CERKL: variants seen among roughly 807,000 people sequenced by gnomAD.
CERKL encodes ceramide kinase-like protein.
In CERKL, 61 loss-of-function variants were observed where a neutral mutation model predicts 63.4. The ratio of observed to expected loss-of-function variants is 0.96; its 90% CI spans 0.78 to 1.19. The LOEUF is 1.19. Among genes scored for constraint, CERKL ranks in the 50% most tolerant of loss-of-function variants. The probability of loss-of-function intolerance (pLI) is 0.00; values close to 1 mark genes in which losing one functional copy is unlikely to be tolerated. For missense variants in CERKL, 675 were observed against 655.5 expected (o/e 1.03, Z -0.33); for synonymous variants, 250 against 230.5 (o/e 1.08, Z -0.77).
At position 181,618,337 on chromosome 2, in the gene CERKL, T is replaced by C. The variant is rs949801831; in HGVS notation, c.239-14258A>G. Reference sequence around the variant, plus strand: ...TAGAAGAGTGGTACTGCTTTTTTGATTGTTTTGGAAAATAGTTATTTTTAA... The same window carrying C: ...TAGAAGAGTGGTACTGCTTTTTTGACTGTTTTGGAAAATAGTTATTTTTAA... On this transcript the variant is annotated intron_variant, in intron 1 of 12. Transcript: ENST00000410087. Among the ~76,000 whole-genome samples the C allele has an allele frequency of 3.9e-5, 6 of 152,080 alleles. No individual in the cohort carries two copies. The East Asian group carries it at 1.2e-3, about 29-fold the overall frequency.
chr2:181,616,677 T>A (rs766703859), intron 1 of CERKL, among the ~76,000 whole-genome samples: 1 of 152,176 alleles, frequency 6.6e-6, no homozygotes, highest in African/African-American at 2.4e-5. Flanking sequence ...ATAATAGAAA[T>A]GAGAGCTGTT....
rs1688608831 is a variant in CERKL, at chr2:181,565,189, A to G, written c.677+869T>C. Reference sequence around the variant, plus strand: ...GTCTTTGGGAAGGTTAATGCCTTTCACTTTGGTGAAAGTACAGACCTAACT... The same window carrying G: ...GTCTTTGGGAAGGTTAATGCCTTTCGCTTTGGTGAAAGTACAGACCTAACT... On this transcript the variant is annotated intron_variant, in intron 4 of 12. Coordinates refer to ENST00000410087, the MANE Select transcript of CERKL (RefSeq NM_201548.5). Among the ~76,000 whole-genome samples the G allele has an allele frequency of 2.0e-5, 3 of 152,176 alleles. No homozygotes were observed. The South Asian group carries it at 6.2e-4, about 31-fold the overall frequency.
chr2:181,537,367 C>T lies in CERKL; in HGVS notation c.*817G>A, dbSNP rs1559063520. 1.3e-5 allele frequency: 6 copies of T among 453,774 alleles called. No individual in the cohort carries two copies. In the East Asian group the frequency reaches 3.5e-4, roughly 27 times the overall value. 28.1% of individuals were successfully genotyped at this position (453,774 alleles called of 1,614,324 possible). A position where few individuals can be genotyped will look rare whatever the true frequency, so the allele number is the denominator to read the frequency against. Reference sequence around the variant, plus strand: ...ACAGGCCTCTCAGATACAAGGGGAACACAATTACATATTGGGCTAGATTTT... The same window carrying T: ...ACAGGCCTCTCAGATACAAGGGGAATACAATTACATATTGGGCTAGATTTT... On this transcript the variant is annotated 3_prime_UTR_variant, in exon 13 of 13. Transcript: ENST00000410087.
chr2:181,576,509 C>T lies in CERKL; in HGVS notation c.482-2625G>A, dbSNP rs141179615. Among the ~76,000 whole-genome samples, 1,100 of 152,262 alleles carry T rather than the reference C, an allele frequency of 7.2e-3. 14 individuals are homozygous for T. The highest frequency in any genetic ancestry group is 0.024 in the African/African-American group (998 of 41,546). ...TTACTTTTACCGAAACACGACAGGCCAGGGAAGGTCAGATCACCCTCGAGC... is the reference window on the plus strand; with the variant it reads ...TTACTTTTACCGAAACACGACAGGCTAGGGAAGGTCAGATCACCCTCGAGC... On this transcript the variant is annotated intron_variant, in intron 2 of 12. Transcript: ENST00000410087.
At position 181,537,204 on chromosome 2, in the gene CERKL, C is replaced by T. The variant is rs201828604; in HGVS notation, c.*980G>A. On this transcript the variant is annotated 3_prime_UTR_variant, in exon 13 of 13. Transcript: ENST00000410087. ...GGATCATAGATGAAAAATCAAGCCC[C>T]GATTTAGAACTGTCTTCTCCAGGAT... The T allele has an allele frequency of 3.3e-5, 15 of 452,970 alleles. No individual in the cohort carries two copies. Among genetic ancestry groups the T allele is most frequent in the Non-Finnish European group, 4.9e-5 (11 of 226,020 alleles). 28.1% of individuals were successfully genotyped at this position (452,970 alleles called of 1,614,324 possible). A position where few individuals can be genotyped will look rare whatever the true frequency, so the allele number is the denominator to read the frequency against.
chr2:181,648,153 G>A (rs923472314), intron 1 of CERKL, among the ~76,000 whole-genome samples: 5 of 152,108 alleles, frequency 3.3e-5, no homozygotes, highest in Non-Finnish European at 7.3e-5. Flanking sequence ...TATTGGGGGA[G>A]ATATAGACAT....
intron 1 of CERKL, among the ~76,000 whole-genome samples, chr2:181,640,255 T>C (rs1191999173): frequency 6.6e-6 from 1 of 152,148 alleles, no homozygotes; most frequent in Non-Finnish European, 1.5e-5. Context: ...CCTCCTAGCT[T>C]ATACCAATTT....
chr2:181,639,473 A>C (rs1687326848), intron 1 of CERKL, among the ~76,000 whole-genome samples: 1 of 152,104 alleles, frequency 6.6e-6, no homozygotes, highest in Non-Finnish European at 1.5e-5. Flanking sequence ...CCAATTTATC[A>C]CTCCCATTTT....
intron 1 of CERKL, among the ~76,000 whole-genome samples, chr2:181,632,783 T>C (rs1291087810): frequency 1.3e-5 from 2 of 152,130 alleles, no homozygotes; most frequent in Non-Finnish European, 2.9e-5. Flanking sequence ...GATAGGGTAG[T>C]GGGGACAGAC....
At chr2:181,639,931 C>T (rs928951268) in intron 1 of CERKL, among the ~76,000 whole-genome samples, 7 of 152,306 alleles carry the variant, frequency 4.6e-5, no homozygotes, top group Middle Eastern at 3.4e-3. Context: ...TGTGTAGCAG[C>T]AGTGGTAGTT....
At chr2:181,599,664 A>G (rs1685375407) in intron 2 of CERKL, among the ~76,000 whole-genome samples, 1 of 152,028 alleles carries the variant, frequency 6.6e-6, no homozygotes, top group Non-Finnish European at 1.5e-5. Context: ...AACATAAAGA[A>G]TCTGAAAAAT....
chr2:181,609,560 G>A (rs1685874390), intron 1 of CERKL, among the ~76,000 whole-genome samples: 2 of 67,554 alleles, frequency 3.0e-5, no homozygotes, highest in African/African-American at 9.8e-5. Context: ...AAAAAAATTT[G>A]CCAGGTGTAG....
At chr2:181,654,187 G>T (rs374218645) in intron 1 of CERKL, among the ~76,000 whole-genome samples, 2 of 149,232 alleles carry the variant, frequency 1.3e-5, no homozygotes, top group African/African-American at 4.9e-5. Flanking sequence ...CCCAAAAAGC[G>T]CTGATACTTT....
At chr2:181,647,576 A>G (rs543126537) in intron 1 of CERKL, among the ~76,000 whole-genome samples, 2 of 152,296 alleles carry the variant, frequency 1.3e-5, no homozygotes, top group East Asian at 3.9e-4. Flanking sequence ...ACCAAAGCCA[A>G]TGTACCATAC....
chr2:181,656,739 A>G, intron 1 of CERKL, 30 bp downstream of exon 1: 2 of 1,539,646 alleles, frequency 1.3e-6, no homozygotes, highest in East Asian at 2.4e-5. Context: ...GCGCGGAGGG[A>G]GGCGAAGACG....
intron 2 of CERKL, among the ~76,000 whole-genome samples, chr2:181,597,334 T>A (rs1685261572): frequency 6.6e-6 from 1 of 152,230 alleles, no homozygotes; most frequent in South Asian, 2.1e-4. Flanking sequence ...GTGCCACTAG[T>A]CTTTCAGAAT....
At chr2:181,596,119 CGAA>C (rs1685197953) in intron 2 of CERKL, among the ~76,000 whole-genome samples, 2 of 152,016 alleles carry the variant, frequency 1.3e-5, no homozygotes, top group Non-Finnish European at 2.9e-5. Context: ...ATTGTTTCTC[CGAA>C]GAAGTTTTGT....
intron 1 of CERKL, among the ~76,000 whole-genome samples, chr2:181,620,318 T>C (rs780833160): frequency 4.6e-5 from 7 of 152,184 alleles, no homozygotes; most frequent in African/African-American, 1.7e-4. Context: ...TTTGTCATTA[T>C]TGTCAGCCAA....
Position 181,537,673 on chromosome 2 carries a change from T to G in CERKL, c.*511A>C. 1 of 433,866 alleles carries G rather than the reference T, an allele frequency of 2.3e-6. No individual in the cohort carries two copies. The highest frequency in any genetic ancestry group is 4.6e-6 in the Non-Finnish European group (1 of 219,678). The allele number at this position is 433,866 out of a possible 1,614,324, so 26.9% of individuals were successfully genotyped here. A position where few individuals can be genotyped will look rare whatever the true frequency, so the allele number is the denominator to read the frequency against. On this transcript the variant is annotated 3_prime_UTR_variant, in exon 13 of 13. Transcript: ENST00000410087. Reference sequence around the variant, plus strand: ...AAGAATCCAAATTATTTCAGAATTATCTAGGTTAAATATTGATGTATTATG... The same window carrying G: ...AAGAATCCAAATTATTTCAGAATTAGCTAGGTTAAATATTGATGTATTATG...
Sources: gnomAD v4.1 joint callset for allele counts (sites outside exome capture counted in the v4.1 genomes callset) on GRCh38, gnomAD v4.1.1 for gene constraint, MANE v1.5 for transcripts, NCBI Gene and HGNC (gene_info 2026-07-23, HGNC 2026-07-21) for gene names.